The following FGB variants were observed in gnomAD, a reference collection of about 807,000 sequenced individuals.
FGB encodes the protein beta-fibrinogen.
FGB carries 25 observed loss-of-function variants against 57.9 expected under a neutral mutation model. The ratio of observed to expected loss-of-function variants is 0.43; its 90% confidence interval spans 0.31 to 0.60. FGB has a LOEUF of 0.60. Among genes scored for constraint, FGB ranks in the 20% least tolerant of loss-of-function variants. The pLI is 0.08. For synonymous variants in FGB, 203 were observed against 199.2 expected, an observed-to-expected ratio of 1.02 and a Z score of -0.16; for missense variants, 536 against 598.4, an observed-to-expected ratio of 0.90 and a Z score of 1.09.
intron 3 of FGB, 40 bp from the exon 4 acceptor site, chr4:154,567,553 C>T (rs748062151): frequency 8.4e-6 from 11 of 1,313,374 alleles, no homozygotes; most frequent in Admixed American, 3.4e-5. Flanking sequence ...TTTTATGAGG[C>T]AAAAATGCTA....
chr4:154,565,825 TGG>T lies in FGB; in HGVS notation c.133_134del (p.Gly45SerfsTer5). On this transcript the variant is annotated frameshift_variant, in exon 2 of 8. Transcript: ENST00000302068. LOFTEE classifies it high-confidence loss of function. ...CCTTGTAGGGTTTCTTCAGTGCCCG[TGG>T]TCATCGACCCCTTGACAAGAAGAGA... The part of the protein sequence containing the change: ...DNEEGFFSAR[G>X]HRPLDKKREE... 1 of 1,614,224 alleles carries T rather than the reference TGG, an allele frequency of 6.2e-7. No homozygotes were observed. Among genetic ancestry groups the T allele is most frequent in the Non-Finnish European group, 8.5e-7 (1 of 1,180,032 alleles).
At chr4:154,563,889 T>C (rs963777677) in intron 1 of FGB, among the ~76,000 whole-genome samples, 3 of 151,992 alleles carry the variant, frequency 2.0e-5, no homozygotes, top group African/African-American at 7.2e-5. Flanking sequence ...ATTTCTTACA[T>C]ATAGCATAGT....
At chr4:154,569,405 A>T in intron 6 of FGB, 98 bp downstream of exon 6, 1 of 1,589,774 alleles carries the variant, frequency 6.3e-7, no homozygotes. Flanking sequence ...TAGGCAGTTA[A>T]GAGGAGTTTC....
At position 154,570,729 on chromosome 4, in the gene FGB, A is replaced by G. The variant is rs1578786564; in HGVS notation, c.*79A>G. 3 of 1,074,598 alleles carry G rather than the reference A, an allele frequency of 2.8e-6. No homozygotes were observed. Among genetic ancestry groups the G allele is most frequent in the East Asian group, 2.5e-5 (1 of 40,226 alleles). The allele number at this position is 1,074,598 out of a possible 1,614,324, so 66.6% of individuals were successfully genotyped here. On this transcript the variant is annotated 3_prime_UTR_variant, in exon 8 of 8. Transcript: ENST00000302068. ...ATGTTATTGGAATTTTCTTTCATAC[A>G]TTATATTCCTCTAAAACTCTCAAGC... is the stretch of plus-strand genomic sequence containing the variant.
chr4:154,569,181 G>A lies in FGB; in HGVS notation c.833-1G>A. The stretch of plus-strand genomic sequence containing the variant: ...GCTCTTTTTGTTTCTGTCAACCAAA[G>A]GATGGACAGTGATTCAGAACCGTCA... On this transcript the variant is annotated splice_acceptor_variant, in intron 5 of 7. Coordinates refer to ENST00000302068, the MANE Select transcript of FGB (RefSeq NM_005141.5). LOFTEE classifies it high-confidence loss of function. 6.2e-7 allele frequency: 1 copy of A among 1,614,094 alleles called. No individual in the cohort carries two copies. Among genetic ancestry groups the A allele is most frequent in the Non-Finnish European group, 8.5e-7 (1 of 1,179,980 alleles).
rs1277916261 is a variant in FGB at position 154,565,853 on chromosome 4, G to C, written c.160G>C (p.Glu54Gln). ...TCATCGACCCCTTGACAAGAAGAGA[G>C]AAGAGGCTCCCAGCCTGAGGCCTGC... ...RGHRPLDKKR[E>Q]EAPSLRPAPP... Residue 54 changes from glutamate to glutamine, a missense_variant, in exon 2 of 8, where the codon GAA becomes CAA. By Grantham distance (29) the Glu-to-Gln change is conservative. This residue lies in a region of FGB where 354 missense variants were observed against 383.4 expected (regional missense o/e 0.92). Transcript: ENST00000302068. The C allele has an allele frequency of 1.9e-6, 3 of 1,614,198 alleles. No individual in the cohort carries two copies. The highest frequency in any genetic ancestry group is 2.5e-6 in the Non-Finnish European group (3 of 1,180,036).
chr4:154,567,776 C>A lies in FGB; in HGVS notation c.674C>A (p.Thr225Asn). Residue 225 changes from threonine (T) to asparagine (N), a missense_variant, in exon 4 of 8, where the codon ACC becomes AAC. Physicochemically the swap from Thr to Asn is moderately conservative, Grantham distance 65 (BLOSUM62 0). This residue lies in a region of FGB where 354 missense variants were observed against 383.4 expected (regional missense o/e 0.92). Coordinates refer to ENST00000302068, the MANE Select transcript of FGB (RefSeq NM_005141.5). ...DVSAQMEYCR[T>N]PCTVSCNIPV... ...TCAGCTCAAATGGAATATTGTCGCA[C>A]CCCATGCACTGTCAGTTGCAATATT... 1 of 1,613,916 alleles carries A rather than the reference C, an allele frequency of 6.2e-7. No homozygotes were observed. The highest frequency in any genetic ancestry group is 1.1e-5 in the South Asian group (1 of 91,082).
At position 154,570,577 on chromosome 4, in the gene FGB, T is replaced by C; in HGVS notation, c.1403T>C (p.Met468Thr). The change falls in exon 8 of 8, where the codon ATG becomes ACG. Residue 468 changes from methionine (M) to threonine (T), a missense_variant. Met to Thr is a moderately conservative substitution (Grantham distance 81). Coordinates refer to ENST00000302068, the MANE Select transcript of FGB (RefSeq NM_005141.5). Reference protein sequence around the residue: ...KHGTDDGVVWMNWKGSWYSMR... With the variant: ...KHGTDDGVVWTNWKGSWYSMR... ...GGCACAGATGATGGTGTAGTATGGATGAATTGGAAGGGGTCATGGTACTCA... is the reference window on the plus strand; with the variant it reads ...GGCACAGATGATGGTGTAGTATGGACGAATTGGAAGGGGTCATGGTACTCA... 6.2e-7 allele frequency: 1 copy of C among 1,614,124 alleles called. No individual in the cohort carries two copies. Among genetic ancestry groups the C allele is most frequent in the Non-Finnish European group, 8.5e-7 (1 of 1,180,010 alleles).
chr4:154,566,464 T>C, intron 2 of FGB, 25 bp from the exon 3 acceptor site: 1 of 1,611,248 alleles, frequency 6.2e-7, no homozygotes, highest in African/African-American at 1.3e-5. Flanking sequence ...CTTCATCTAA[T>C]GCCTGCTATT....
rs1445642670 is a variant in FGB at position 154,572,404 on chromosome 4, A to C, written c.*1754A>C. ...TTAAATACAGATGTGGTCCAGTGGC[A>C]GTGGGCTGGACAGGACCGCTACTAT... On this transcript the variant is annotated 3_prime_UTR_variant, in exon 8 of 8. Transcript: ENST00000302068. Among the ~76,000 whole-genome samples the C allele has an allele frequency of 6.6e-6, 1 of 152,216 alleles. No individual in the cohort carries two copies. The highest frequency in any genetic ancestry group is 6.5e-5 in the Admixed American group (1 of 15,280).
At chr4:154,566,284 C>T (rs1730156140) in intron 2 of FGB, among the ~76,000 whole-genome samples, 3 of 151,994 alleles carry the variant, frequency 2.0e-5, no homozygotes, top group African/African-American at 7.3e-5. Flanking sequence ...TTTTCATAGC[C>T]CAATTATATT....
In FGB at chr4:154,565,835, C is replaced by CT; in HGVS notation, c.142_143insT (p.Pro48LeufsTer3). The stretch of plus-strand genomic sequence containing the variant: ...TTTCTTCAGTGCCCGTGGTCATCGA[C>CT]CCCTTGACAAGAAGAGAGAAGAGGC... On this transcript the variant is annotated frameshift_variant, in exon 2 of 8. Coordinates refer to ENST00000302068, the MANE Select transcript of FGB (RefSeq NM_005141.5). LOFTEE classifies it high-confidence loss of function. The CT allele has an allele frequency of 6.2e-7, 1 of 1,614,190 alleles. No homozygotes were observed. Among genetic ancestry groups the CT allele is most frequent in the Non-Finnish European group, 8.5e-7 (1 of 1,180,036 alleles).
At chr4:154,563,411 T>G (rs1477685386) in intron 1 of FGB, among the ~76,000 whole-genome samples, 1 of 151,952 alleles carries the variant, frequency 6.6e-6, no homozygotes, top group Non-Finnish European at 1.5e-5. Context: ...TTCTGAGTAC[T>G]GTGATTTTCA....
intron 1 of FGB, among the ~76,000 whole-genome samples, chr4:154,564,945 G>A (rs1186015329): frequency 2.4e-4 from 37 of 152,104 alleles, no homozygotes; most frequent in Admixed American, 2.4e-3. Flanking sequence ...AATCATGTAA[G>A]AAATTTCAAG....
rs1043002868 is a variant in FGB, at chr4:154,571,524, A to C, written c.*874A>C. On this transcript the variant is annotated 3_prime_UTR_variant, in exon 8 of 8. Coordinates refer to ENST00000302068, the MANE Select transcript of FGB (RefSeq NM_005141.5). Reference sequence around the variant, plus strand: ...ACCATGGAAAAGCCACCACTCTGCCACTTAAATAAACATCAGGATCAGAGA... The same window carrying C: ...ACCATGGAAAAGCCACCACTCTGCCCCTTAAATAAACATCAGGATCAGAGA... Among the ~76,000 whole-genome samples, 1 of 151,864 alleles carries C rather than the reference A, an allele frequency of 6.6e-6. No individual in the cohort carries two copies. The highest frequency in any genetic ancestry group is 1.9e-4 in the East Asian group (1 of 5,184).
At chr4:154,570,373 C>A (rs1337825698) in intron 7 of FGB, 46 bp from the exon 8 acceptor site, 58 of 1,455,226 alleles carry the variant, frequency 4.0e-5, no homozygotes, top group Non-Finnish European at 5.3e-5. Context: ...CGTAACTTGA[C>A]CACCGTAGTT....
chr4:154,564,765 A>AT (rs1730086052), intron 1 of FGB, among the ~76,000 whole-genome samples: 1 of 152,108 alleles, frequency 6.6e-6, no homozygotes, highest in South Asian at 2.1e-4. Context: ...ACTGACAAAA[A>AT]AAAAAATGAG....
At position 154,571,870 on chromosome 4, in the gene FGB, C is replaced by T. The variant is rs1030539597; in HGVS notation, c.*1220C>T. Among the ~76,000 whole-genome samples, 3 of 152,068 alleles carry T rather than the reference C, an allele frequency of 2.0e-5. No homozygotes were observed. Among genetic ancestry groups the T allele is most frequent in the Admixed American group, 6.6e-5 (1 of 15,266 alleles). Reference sequence around the variant, plus strand: ...GGTACTTATTGTTCTTAAGCTTATCCTCTTAATCTTTTCATGTAAGCAAAG... The same window carrying T: ...GGTACTTATTGTTCTTAAGCTTATCTTCTTAATCTTTTCATGTAAGCAAAG... On this transcript the variant is annotated 3_prime_UTR_variant, in exon 8 of 8. Transcript: ENST00000302068.
Position 154,569,284 on chromosome 4 carries a change from G to A in FGB, c.935G>A (p.Gly312Glu), listed in dbSNP as rs780249202. 27 of 1,613,938 alleles carry A rather than the reference G, an allele frequency of 1.7e-5. No homozygotes were observed. The Admixed American group carries it at 2.8e-4, about 17-fold the overall frequency. Residue 312 changes from glycine (G) to glutamate (E), a missense_variant, in exon 6 of 8, where the codon GGG becomes GAG. By Grantham distance (98) the Gly-to-Glu change is moderately conservative. Around this residue, in one of 3 missense-constraint regions of FGB, gnomAD observed 354 missense variants for 383.4 expected, o/e 0.92. Coordinates refer to ENST00000302068, the MANE Select transcript of FGB (RefSeq NM_005141.5). The part of the protein sequence containing the change: ...GFGNVATNTD[G>E]KNYCGLPGEY... Reference sequence around the variant, plus strand: ...GGAAATGTTGCAACCAACACAGATGGGAAGAATTACTGTGGCCTACCAGGT... The same window carrying A: ...GGAAATGTTGCAACCAACACAGATGAGAAGAATTACTGTGGCCTACCAGGT...
Sources: allele counts gnomAD v4.1 joint callset (sites outside exome capture counted in the v4.1 genomes callset), GRCh38; gene constraint gnomAD v4.1.1; regional missense constraint gnomAD v4.1.1; transcripts MANE v1.5; gene names NCBI Gene and HGNC (gene_info 2026-07-23, HGNC 2026-07-21).